The following CCDC90B variants were observed in gnomAD, a reference collection of about 807,000 sequenced individuals.
The protein encoded by CCDC90B is coiled-coil domain containing 90B.
A neutral mutation model predicts 37.0 loss-of-function variants in CCDC90B; 24 were observed. That is an observed-to-expected ratio of 0.65 (90% CI 0.47 to 0.91). CCDC90B has a LOEUF of 0.91. CCDC90B is among the 40% of genes least tolerant of loss of function. CCDC90B has a pLI of 0.00. For synonymous variants in CCDC90B, 113 were observed against 101.1 expected, an observed-to-expected ratio of 1.12 and a Z score of -0.71; for missense variants, 319 against 299.0, an observed-to-expected ratio of 1.07 and a Z score of -0.49.
chr11:83,265,471 G>A (rs1864198841), intron 8 of CCDC90B, among the ~76,000 whole-genome samples: 2 of 151,680 alleles, frequency 1.3e-5, no homozygotes, highest in African/African-American at 2.4e-5. Context: ...TTCTGCTTGT[G>A]TTTATATATT....
Position 83,272,179 on chromosome 11 carries a change from A to G in CCDC90B, c.594+1468T>C, listed in dbSNP as rs1864717026. ...ATGAGTTGATGGGTGCAGCAAACCAACATGGTACATGTATACCTATGTATC... is the reference window on the plus strand; with the variant it reads ...ATGAGTTGATGGGTGCAGCAAACCAGCATGGTACATGTATACCTATGTATC... On this transcript the variant is annotated intron_variant, in intron 7 of 8. Coordinates refer to ENST00000529689, the MANE Select transcript of CCDC90B (RefSeq NM_021825.5). Among the ~76,000 whole-genome samples, 2 of 152,200 alleles carry G rather than the reference A, an allele frequency of 1.3e-5. 1 individual carries two copies. Among genetic ancestry groups the G allele is most frequent in the South Asian group, 4.1e-4 (2 of 4,828 alleles).
At chr11:83,263,120 A>G (rs184980820) in intron 8 of CCDC90B, among the ~76,000 whole-genome samples, 19 of 152,282 alleles carry the variant, frequency 1.2e-4, no homozygotes, top group African/African-American at 4.3e-4. Context: ...CACACACACA[A>G]AATTTGTGAT....
At chr11:83,280,728 C>T (rs1286784139) in intron 1 of CCDC90B, among the ~76,000 whole-genome samples, 1 of 152,220 alleles carries the variant, frequency 6.6e-6, no homozygotes, top group African/African-American at 2.4e-5. Context: ...ACGTAGTTCT[C>T]AGCTCCAACA....
At position 83,260,509 on chromosome 11, in the gene CCDC90B, A is replaced by G. The variant is rs913018811; in HGVS notation, c.*1402T>C. The G allele has an allele frequency of 6.6e-6, 1 of 152,252 alleles. No homozygotes were observed. Among genetic ancestry groups the G allele is most frequent in the Admixed American group, 6.5e-5 (1 of 15,280 alleles). 9.4% of individuals were successfully genotyped at this position (152,252 alleles called of 1,614,324 possible). On this transcript the variant is annotated 3_prime_UTR_variant, in exon 9 of 9. Coordinates refer to ENST00000529689, the MANE Select transcript of CCDC90B (RefSeq NM_021825.5). ...GTTTTTCTTTTGAAAACAAACCAGC[A>G]GTTAGATTTTTGAGGAAAATATAGT...
intron 8 of CCDC90B, among the ~76,000 whole-genome samples, chr11:83,263,018 C>T (rs1032943677): frequency 1.3e-5 from 2 of 152,142 alleles, no homozygotes; most frequent in Non-Finnish European, 2.9e-5. Flanking sequence ...TGAGGTAATA[C>T]ACCCAGTTAC....
At chr11:83,280,931 A>G (rs17144960) in intron 1 of CCDC90B, among the ~76,000 whole-genome samples, 233 of 152,368 alleles carry the variant, frequency 1.5e-3, no homozygotes, top group African/African-American at 5.4e-3. Flanking sequence ...TGGTATCAAC[A>G]TAAGAACCCT....
chr11:83,266,445 A>T (rs574511394), intron 7 of CCDC90B, among the ~76,000 whole-genome samples: 60 of 152,350 alleles, frequency 3.9e-4, no homozygotes, highest in African/African-American at 1.3e-3. Flanking sequence ...GCAGACAAGG[A>T]GATTCTCTCC....
chr11:83,269,266 C>T (rs1294712471), intron 7 of CCDC90B, among the ~76,000 whole-genome samples: 2 of 151,654 alleles, frequency 1.3e-5, no homozygotes, highest in Non-Finnish European at 3.0e-5. Flanking sequence ...ACTTCTGCTG[C>T]TTCTTATCTC....
chr11:83,278,803 T>G lies in CCDC90B; in HGVS notation c.247A>C (p.Ile83Leu). The G allele has an allele frequency of 6.2e-7, 1 of 1,613,520 alleles. No homozygotes were observed. The highest frequency in any genetic ancestry group is 2.2e-5 in the East Asian group (1 of 44,804). ...GATAAAGCAGTTAACGCTGATACAA[T>G]TGTTTCTGCTTGTGTTTTGTCAAAT... ...HGFDKTQAETIVSALTALSNV... is the reference protein window; with the variant it reads ...HGFDKTQAETLVSALTALSNV... The change falls in exon 3 of 9, where the codon ATT becomes CTT. Residue 83 changes from isoleucine (I) to leucine (L), a missense_variant. Ile to Leu is a conservative substitution (Grantham distance 5, BLOSUM62 2). Transcript: ENST00000529689.
chr11:83,285,327 G>T (rs922587564), intron 1 of CCDC90B: 2 of 1,189,568 alleles, frequency 1.7e-6, no homozygotes, highest in Non-Finnish European at 2.1e-6. Flanking sequence ...GTTAACAGGG[G>T]TGCCAACAGG....
intron 2 of CCDC90B, among the ~76,000 whole-genome samples, chr11:83,279,236 G>A (rs1259756370): frequency 3.3e-5 from 5 of 151,768 alleles, no homozygotes; most frequent in South Asian, 2.1e-4. Flanking sequence ...AGCCGAGATC[G>A]CGCCACTTTA....
intron 8 of CCDC90B, 73 bp downstream of exon 8, chr11:83,265,792 T>C (rs530803562): frequency 1.1e-6 from 1 of 920,196 alleles, no homozygotes; most frequent in East Asian, 2.5e-5. Context: ...TTCCTGTGCC[T>C]GCTCAGTTAC....
At chr11:83,275,034 T>C (rs532850931) in intron 3 of CCDC90B, among the ~76,000 whole-genome samples, 1 of 152,266 alleles carries the variant, frequency 6.6e-6, no homozygotes, top group East Asian at 1.9e-4. Context: ...AAATAATGTT[T>C]TGTTCTTATT....
rs367884918 is a variant in CCDC90B, at chr11:83,265,993, G to A, written c.595-14C>T. 46 of 1,374,974 alleles carry A rather than the reference G, an allele frequency of 3.3e-5. No homozygotes were observed. The highest frequency in any genetic ancestry group is 4.3e-5 in the Non-Finnish European group (42 of 967,262). The allele number at this position is 1,374,974 out of a possible 1,614,324, so 85.2% of individuals were successfully genotyped here. ...GGTTTGAGTATCCTGTGGTAAACCA[G>A]AATAAGAGAACTTAATTTTGTCCCT... is the stretch of plus-strand genomic sequence containing the variant. On this transcript the variant is annotated splice_polypyrimidine_tract_variant and intron_variant, in intron 7 of 8. Transcript: ENST00000529689.
chr11:83,273,602 G>C (rs1864824161), intron 7 of CCDC90B, 45 bp downstream of exon 7: 1 of 1,411,074 alleles, frequency 7.1e-7, no homozygotes, highest in African/African-American at 1.4e-5. Context: ...AGTTATACAA[G>C]GCACAAGAAC....
intron 1 of CCDC90B, among the ~76,000 whole-genome samples, chr11:83,281,409 G>A (rs1024112337): frequency 2.6e-5 from 4 of 151,976 alleles, no homozygotes; most frequent in African/African-American, 9.7e-5. Flanking sequence ...TAGAAGGCAG[G>A]AAACAGATAT....
chr11:83,263,061 A>G (rs1864025153), intron 8 of CCDC90B, among the ~76,000 whole-genome samples: 1 of 152,146 alleles, frequency 6.6e-6, no homozygotes, highest in Admixed American at 6.6e-5. Context: ...GGGATTTAAG[A>G]CTAAGTGTAC....
chr11:83,262,645 T>C (rs1863993278), intron 8 of CCDC90B, among the ~76,000 whole-genome samples: 1 of 152,170 alleles, frequency 6.6e-6, no homozygotes, highest in Non-Finnish European at 1.5e-5. Flanking sequence ...AACAGACAAG[T>C]GAGAGATGAA....
intron 1 of CCDC90B, chr11:83,285,180 A>C (rs781031162): frequency 2.3e-6 from 3 of 1,285,172 alleles, no homozygotes; most frequent in Non-Finnish European, 3.0e-6. Flanking sequence ...CTATTCGCCT[A>C]TTTTGTGGAC....
Sources: gnomAD v4.1 joint callset for allele counts (sites outside exome capture counted in the v4.1 genomes callset) on GRCh38, gnomAD v4.1.1 for gene constraint, MANE v1.5 for transcripts, NCBI Gene and HGNC (gene_info 2026-07-23, HGNC 2026-07-21) for gene names.